CSNK1G3: variants seen among roughly 807,000 people sequenced by gnomAD.
CSNK1G3 encodes the protein casein kinase 1 gamma 3.
A neutral mutation model predicts 64.3 loss-of-function variants in CSNK1G3; 23 were observed. The ratio of observed to expected loss-of-function variants is 0.36; its 90% CI spans 0.26 to 0.51. The LOEUF (loss-of-function observed/expected upper bound fraction) is 0.51. Ranked by LOEUF, CSNK1G3 falls within the 20% of genes least tolerant of loss-of-function variation. CSNK1G3 has a pLI of 0.96. For synonymous variants in CSNK1G3, 158 were observed against 162.2 expected, an observed-to-expected ratio of 0.97 and a Z score of 0.20; for missense variants, 357 against 510.5, an observed-to-expected ratio of 0.70 and a Z score of 2.90.
intron 1 of CSNK1G3, among the ~76,000 whole-genome samples, chr5:123,513,367 T>C (rs1402102857): frequency 6.6e-6 from 1 of 152,028 alleles, no homozygotes; most frequent in Non-Finnish European, 1.5e-5. Context: ...GTCATGGTCA[T>C]TCCCCTTCTC....
chr5:123,581,947 C>T (rs1790387527), intron 6 of CSNK1G3, among the ~76,000 whole-genome samples: 1 of 151,776 alleles, frequency 6.6e-6, no homozygotes, highest in South Asian at 2.1e-4. Context: ...TTGGCTTTGT[C>T]TTCTCATGTC....
At chr5:123,520,016 T>C (rs2149954010) in intron 1 of CSNK1G3, among the ~76,000 whole-genome samples, 1 of 152,310 alleles carries the variant, frequency 6.6e-6, no homozygotes, top group East Asian at 1.9e-4. Context: ...TTTCTTTTTT[T>C]TCCAGTAAAA....
intron 5 of CSNK1G3, among the ~76,000 whole-genome samples, chr5:123,573,849 GA>G (rs1466385683): frequency 2.2e-5 from 3 of 138,954 alleles, no homozygotes; most frequent in Admixed American, 1.5e-4. Flanking sequence ...CAGAAACATA[GA>G]TTTTTTTTTT....
chr5:123,616,402 T>A (rs1350541208), exon 13 of CSNK1G3: 1 of 152,624 alleles, frequency 6.6e-6, no homozygotes, highest in Non-Finnish European at 1.5e-5. Flanking sequence ...GTACAGTGTT[T>A]ATATGATCTG....
intron 10 of CSNK1G3, 111 bp from the exon 11 acceptor site, chr5:123,594,928 G>A (rs1793139884): frequency 1.3e-6 from 1 of 771,284 alleles, no homozygotes; most frequent in South Asian, 1.9e-5. Context: ...AATAGTAAGG[G>A]TATTTTAAAT....
intron 6 of CSNK1G3, among the ~76,000 whole-genome samples, chr5:123,581,737 T>A (rs1790329139): frequency 6.6e-6 from 1 of 151,938 alleles, no homozygotes; most frequent in Non-Finnish European, 1.5e-5. Flanking sequence ...TATATAATTT[T>A]GAAAACTGAG....
exon 8 of CSNK1G3, chr5:123,588,510 A>G: frequency 6.3e-7 from 1 of 1,593,320 alleles, no homozygotes; most frequent in Non-Finnish European, 8.6e-7. Flanking sequence ...AAAATTTTCC[A>G]GGTAATGAAT....
At chr5:123,595,800 C>T (rs1318108387) in intron 10 of CSNK1G3, among the ~76,000 whole-genome samples, 3 of 151,906 alleles carry the variant, frequency 2.0e-5, no homozygotes, top group Admixed American at 2.0e-4. Context: ...ATATTCTGCC[C>T]TCCGTTGCCC....
intron 12 of CSNK1G3, among the ~76,000 whole-genome samples, chr5:123,608,554 T>G (rs772331727): frequency 3.9e-5 from 6 of 152,214 alleles, no homozygotes; most frequent in Non-Finnish European, 8.8e-5. Flanking sequence ...TTATTCTTTC[T>G]CTTTCCTTCT....
At chr5:123,530,890 A>G (rs1307407425) in intron 1 of CSNK1G3, among the ~76,000 whole-genome samples, 1 of 152,194 alleles carries the variant, frequency 6.6e-6, no homozygotes, top group Non-Finnish European at 1.5e-5. Flanking sequence ...CTTTTCTTAG[A>G]CAACCACAGT....
intron 4 of CSNK1G3, among the ~76,000 whole-genome samples, chr5:123,569,926 T>C (rs536081950): frequency 6.6e-6 from 1 of 152,294 alleles, no homozygotes; most frequent in Admixed American, 6.5e-5. Flanking sequence ...AATTTTTGAG[T>C]GTTAAATCAG....
rs192709572 is a variant in CSNK1G3, at chr5:123,563,765, A to G, written c.289+6201A>G. The stretch of plus-strand genomic sequence containing the variant: ...ACATTCAAAAAATTCTGCTCTATGT[A>G]TATTATAAGCTGTTGTTTGAAAAAA... On this transcript the variant is annotated intron_variant, in intron 4 of 12. Coordinates refer to ENST00000345990, the Ensembl canonical transcript of CSNK1G3. 7.9e-5 allele frequency among the ~76,000 whole-genome samples: 12 copies of G among 152,232 alleles called. No individual in the cohort carries two copies. The East Asian group carries it at 2.1e-3, about 27-fold the overall frequency.
intron 5 of CSNK1G3, among the ~76,000 whole-genome samples, chr5:123,574,023 G>A (rs917343420): frequency 1.2e-4 from 18 of 151,842 alleles, no homozygotes; most frequent in African/African-American, 4.4e-4. Flanking sequence ...CCAATTTTTT[G>A]TATTTTTTGT....
intron 1 of CSNK1G3, among the ~76,000 whole-genome samples, chr5:123,529,736 T>C (rs1779627381): frequency 6.6e-6 from 1 of 152,202 alleles, no homozygotes; most frequent in African/African-American, 2.4e-5. Flanking sequence ...AATAAAAATT[T>C]AGCATGACCT....
chr5:123,591,219 AGT>A (rs1376024552), intron 9 of CSNK1G3, 98 bp from the exon 10 acceptor site: 1 of 586,192 alleles, frequency 1.7e-6, no homozygotes, highest in Admixed American at 3.9e-5. Context: ...TTTATTTAAC[AGT>A]CTTTTGTTTT....
intron 10 of CSNK1G3, among the ~76,000 whole-genome samples, chr5:123,597,380 C>T (rs973172723): frequency 1.3e-5 from 2 of 152,090 alleles, no homozygotes; most frequent in Non-Finnish European, 2.9e-5. Flanking sequence ...TAATAAGTCA[C>T]TGTCTGGTAT....
intron 6 of CSNK1G3, among the ~76,000 whole-genome samples, chr5:123,585,330 A>T (rs1038811253): frequency 6.6e-6 from 1 of 152,146 alleles, no homozygotes; most frequent in Non-Finnish European, 1.5e-5. Context: ...AAAATGAGTA[A>T]TAGGTTTAAA....
exon 1 of CSNK1G3, chr5:123,512,223 G>A (rs1262736846): frequency 6.6e-6 from 1 of 152,260 alleles, no homozygotes. Context: ...GCCCGAGGCA[G>A]AAGGATGTTT....
rs868517987 is a variant in CSNK1G3, at chr5:123,615,337, T to C, written c.*941T>C. 2.6e-5 allele frequency: 4 copies of C among 152,680 alleles called. No homozygotes were observed. In the Middle Eastern group the frequency reaches 0.01, roughly 389 times the overall value. The allele number at this position is 152,680 out of a possible 1,614,324, so 9.5% of individuals were successfully genotyped here. The stretch of plus-strand genomic sequence containing the variant: ...AACTTACTGCTGAATGATTACATTC[T>C]CCCTTAAGCAGAAAACTTTGGATGT... On this transcript the variant is annotated 3_prime_UTR_variant, in exon 13 of 13. Transcript: ENST00000345990.
Sources: allele counts gnomAD v4.1 joint callset (sites outside exome capture counted in the v4.1 genomes callset), GRCh38; gene constraint gnomAD v4.1.1; transcripts MANE v1.5; gene names NCBI Gene and HGNC (gene_info 2026-07-23, HGNC 2026-07-21).